INTS13: variants seen among roughly 807,000 people sequenced by gnomAD.
INTS13 encodes the protein asunder, spermatogenesis regulator homolog (Drosphila).
In INTS13, 35 loss-of-function variants were observed where a neutral mutation model predicts 90.2. The ratio of observed to expected loss-of-function variants is 0.39; its 90% CI spans 0.30 to 0.51. The LOEUF (loss-of-function observed/expected upper bound fraction) is 0.51, where lower values mean the gene tolerates loss of function less well. Among genes scored for constraint, INTS13 ranks in the 20% least tolerant of loss-of-function variants. INTS13 has a pLI of 0.80. For synonymous variants in INTS13, 309 were observed against 277.1 expected (o/e 1.11, Z -1.14); for missense variants, 601 against 851.2 (o/e 0.71, Z 3.66).
At chr12:26,920,972 T>C (rs375877220) in intron 8 of INTS13, among the ~76,000 whole-genome samples, 15 of 152,298 alleles carry the variant, frequency 9.8e-5, no homozygotes, top group African/African-American at 3.6e-4. Context: ...GCAGCATCAA[T>C]TTACTAGAAA....
chr12:26,905,627 T>C, intron 16 of INTS13, 91 bp from the exon 17 acceptor site: 1 of 1,270,442 alleles, frequency 7.9e-7, no homozygotes. Context: ...ATTAAAATAA[T>C]ATATTCACAG....
chr12:26,929,997 A>C (rs1938104675), intron 3 of INTS13, among the ~76,000 whole-genome samples: 1 of 152,248 alleles, frequency 6.6e-6, no homozygotes, highest in African/African-American at 2.4e-5. Context: ...CAAGATTAAT[A>C]CACAAAAATC....
At chr12:26,938,171 T>C (rs78054962), upstream of INTS13, 886 of 152,634 alleles carry the variant, frequency 5.8e-3, 12 homozygotes, top group East Asian at 0.034. Flanking sequence ...CCGCTAATTT[T>C]CCCAGTCACC....
At chr12:26,925,535 TA>T in intron 6 of INTS13, among the ~76,000 whole-genome samples, 1 of 152,196 alleles carries the variant, frequency 6.6e-6, no homozygotes, top group East Asian at 1.9e-4. Context: ...CACATTTTGA[TA>T]AAATAAACAA....
At chr12:26,907,495 G>A (rs995410057) in intron 15 of INTS13, among the ~76,000 whole-genome samples, 2 of 152,114 alleles carry the variant, frequency 1.3e-5, no homozygotes, top group African/African-American at 4.8e-5. Context: ...TAAAATTACA[G>A]AACTCCTAAA....
intron 1 of INTS13, 116 bp downstream of exon 1, chr12:26,937,680 C>G (rs1938547946): frequency 6.6e-6 from 1 of 152,270 alleles, no homozygotes; most frequent in Non-Finnish European, 1.5e-5. Flanking sequence ...AGACGCATCT[C>G]CCCTTCATGC....
chr12:26,922,689 A>T lies in INTS13; in HGVS notation c.816T>A (p.His272Gln). The T allele has an allele frequency of 6.3e-7, 1 of 1,577,126 alleles. No individual in the cohort carries two copies. The highest frequency in any genetic ancestry group is 8.6e-7 in the Non-Finnish European group (1 of 1,161,258). Reference sequence around the variant, plus strand: ...CATCATAATTGGCAGATGTGTTAGCATGCTGTTCTTCCTTGAAGTAAAATT... The same window carrying T: ...CATCATAATTGGCAGATGTGTTAGCTTGCTGTTCTTCCTTGAAGTAAAATT... ...ITNIPMKEEQHANTSANYDVE... is the reference protein window; with the variant it reads ...ITNIPMKEEQQANTSANYDVE... The change falls in exon 8 of 17, where the codon CAT (histidine) becomes CAA (glutamine). Residue 272 changes from histidine to glutamine, a missense_variant. His to Gln is a conservative substitution (Grantham distance 24). Coordinates refer to ENST00000261191, the MANE Select transcript of INTS13 (RefSeq NM_018164.3).
intron 3 of INTS13, among the ~76,000 whole-genome samples, chr12:26,932,199 T>C (rs1198402508): frequency 6.7e-6 from 1 of 150,358 alleles, no homozygotes; most frequent in Admixed American, 6.6e-5. Flanking sequence ...AACAAGAATA[T>C]ATAAAAATGG....
At chr12:26,934,099 C>CA (rs1938336502) in intron 3 of INTS13, among the ~76,000 whole-genome samples, 1 of 152,204 alleles carries the variant, frequency 6.6e-6, no homozygotes, top group African/African-American at 2.4e-5. Context: ...CATGGCTAAA[C>CA]CCTATTTCTA....
chr12:26,925,626 T>G, intron 6 of INTS13, 135 bp downstream of exon 6: 1 of 693,734 alleles, frequency 1.4e-6, no homozygotes, highest in Non-Finnish European at 2.3e-6. Context: ...TGTCTTGACA[T>G]AGAGGTTTAC....
chr12:26,917,595 C>T, intron 9 of INTS13, 49 bp downstream of exon 9: 1 of 1,529,216 alleles, frequency 6.5e-7, no homozygotes, highest in Non-Finnish European at 9.0e-7. Flanking sequence ...CATATAATAC[C>T]TTAAGAACCT....
chr12:26,920,921 A>G lies in INTS13; in HGVS notation c.889+1695T>C, dbSNP rs1206877284. Among the ~76,000 whole-genome samples, 8 of 152,196 alleles carry G rather than the reference A, an allele frequency of 5.3e-5. No homozygotes were observed. The East Asian group carries it at 1.5e-3, about 29-fold the overall frequency. On this transcript the variant is annotated intron_variant, in intron 8 of 16. Coordinates refer to ENST00000261191, the MANE Select transcript of INTS13 (RefSeq NM_018164.3). Reference sequence around the variant, plus strand: ...CACAATTGGCTCATGATTATGCTTCAGAAGATGCATACAACATAATCAAAG... The same window carrying G: ...CACAATTGGCTCATGATTATGCTTCGGAAGATGCATACAACATAATCAAAG...
At chr12:26,910,397 T>G (rs565793559) in intron 15 of INTS13, among the ~76,000 whole-genome samples, 1 of 152,350 alleles carries the variant, frequency 6.6e-6, no homozygotes, top group South Asian at 2.1e-4. Flanking sequence ...TTTTTAACAC[T>G]GACAAATATA....
chr12:26,931,368 C>T (rs1938179650), intron 3 of INTS13, among the ~76,000 whole-genome samples: 1 of 151,910 alleles, frequency 6.6e-6, no homozygotes, highest in African/African-American at 2.4e-5. Context: ...CACTTGAACC[C>T]GGGAGGCAGA....
At chr12:26,919,362 G>C (rs373884114) in intron 8 of INTS13, among the ~76,000 whole-genome samples, 5 of 152,022 alleles carry the variant, frequency 3.3e-5, no homozygotes, top group East Asian at 1.9e-4. Context: ...GACAATGAAG[G>C]GCCTTGTAAG....
intron 5 of INTS13, among the ~76,000 whole-genome samples, chr12:26,926,311 A>G (rs1937871808): frequency 6.6e-6 from 1 of 152,218 alleles, no homozygotes. Context: ...GACCCACAGG[A>G]AAGTTGAAAG....
At position 26,928,998 on chromosome 12, in the gene INTS13, AC is replaced by A. The variant is rs1464101313; in HGVS notation, c.301-94del. ...AGAAAACTACACACCAATGTATCTT[AC>A]ATATATGGACATGAACATTCTTAAA... On this transcript the variant is annotated intron_variant, in intron 3 of 16. Coordinates refer to ENST00000261191, the MANE Select transcript of INTS13 (RefSeq NM_018164.3). The A allele has an allele frequency of 1.1e-5, 12 of 1,068,656 alleles. No individual in the cohort carries two copies. The African/African-American group carries it at 1.8e-4, about 16-fold the overall frequency. 66.2% of individuals were successfully genotyped at this position (1,068,656 alleles called of 1,614,324 possible).
At chr12:26,935,663 A>C (rs1039872025) in intron 2 of INTS13, among the ~76,000 whole-genome samples, 5 of 152,226 alleles carry the variant, frequency 3.3e-5, no homozygotes, top group Admixed American at 6.5e-5. Flanking sequence ...CTGCGCTCCA[A>C]ATCAGTTACA....
chr12:26,915,243 C>CA (rs1951898963), intron 11 of INTS13, among the ~76,000 whole-genome samples: 1 of 151,772 alleles, frequency 6.6e-6, no homozygotes, highest in African/African-American at 2.4e-5. Context: ...AACAAACAAA[C>CA]AAAAAAACTA....
Sources: gnomAD v4.1 joint callset for allele counts (sites outside exome capture counted in the v4.1 genomes callset) on GRCh38, gnomAD v4.1.1 for gene constraint, MANE v1.5 for transcripts, NCBI Gene and HGNC (gene_info 2026-07-23, HGNC 2026-07-21) for gene names.